The following RC3H1 variants were observed in gnomAD, a reference collection of about 807,000 sequenced individuals.
The protein encoded by RC3H1 is roquin-1.
RC3H1 carries 50 observed loss-of-function variants against 138.2 expected under a neutral mutation model. The observed-to-expected ratio is 0.36, with a 90% CI of 0.29 to 0.46. The LOEUF is 0.46. RC3H1 is among the 20% of genes least tolerant of loss of function. The pLI is 1.00. For synonymous variants in RC3H1, 462 were observed against 489.1 expected (o/e 0.94, Z 0.73); for missense variants, 1,031 against 1,388.1 (o/e 0.74, Z 4.09).
intron 13 of RC3H1, among the ~76,000 whole-genome samples, chr1:173,958,027 T>C (rs1571188577): frequency 6.6e-6 from 1 of 152,208 alleles, no homozygotes; most frequent in Admixed American, 6.5e-5. Flanking sequence ...AAGATACTAT[T>C]TACTATGTGT....
chr1:173,949,933 G>A (rs1220960047), intron 14 of RC3H1, among the ~76,000 whole-genome samples: 2 of 152,120 alleles, frequency 1.3e-5, no homozygotes, highest in Non-Finnish European at 2.9e-5. Flanking sequence ...TTGGGAGGCC[G>A]AGGAGGGCAG....
At chr1:173,993,183 T>C (rs1661369187) in intron 1 of RC3H1, 48 bp from the exon 2 acceptor site, 1 of 562,944 alleles carries the variant, frequency 1.8e-6, no homozygotes, top group South Asian at 2.2e-5. Context: ...TCTTTTCAAT[T>C]AAACTGTTGA....
chr1:173,946,633 T>C (rs1659149856), intron 16 of RC3H1, 25 bp from the exon 17 acceptor site: 1 of 1,611,464 alleles, frequency 6.2e-7, no homozygotes, highest in Non-Finnish European at 8.5e-7. Flanking sequence ...AAAGTGTGAA[T>C]CAAATTTTAA....
intron 14 of RC3H1, among the ~76,000 whole-genome samples, chr1:173,951,603 C>T (rs1571178129): frequency 6.6e-6 from 1 of 151,906 alleles, no homozygotes; most frequent in Admixed American, 6.6e-5. Flanking sequence ...TGCAGTGGCA[C>T]GATCTTGGCT....
In RC3H1 at chr1:173,951,981, CA is replaced by C; in HGVS notation, c.2523+4del. 1 of 1,601,730 alleles carries C rather than the reference CA, an allele frequency of 6.2e-7. No individual in the cohort carries two copies. Among genetic ancestry groups the C allele is most frequent in the Non-Finnish European group, 8.5e-7 (1 of 1,175,512 alleles). Reference sequence around the variant, plus strand: ...TATTAATTATTGCTTAGCTATTACACATACCATCATTTCCACACTCCCTGCT... The same window carrying C: ...TATTAATTATTGCTTAGCTATTACACTACCATCATTTCCACACTCCCTGCT... On this transcript the variant is annotated splice_donor_region_variant and intron_variant, in intron 14 of 19. Coordinates refer to ENST00000367696, the MANE Select transcript of RC3H1 (RefSeq NM_172071.4).
At chr1:173,997,758 A>C (rs1342107744) in intron 1 of RC3H1, among the ~76,000 whole-genome samples, 1 of 152,184 alleles carries the variant, frequency 6.6e-6, no homozygotes, top group Admixed American at 6.5e-5. Flanking sequence ...TTAAACCTTG[A>C]CTTTTTCTGG....
At chr1:173,964,745 T>G (rs1660029886) in intron 10 of RC3H1, 94 bp downstream of exon 10, 4 of 441,268 alleles carry the variant, frequency 9.1e-6, no homozygotes, top group Admixed American at 4.9e-5. Flanking sequence ...ATAATCAGGG[T>G]TTTTTTTTTT....
intron 6 of RC3H1, among the ~76,000 whole-genome samples, chr1:173,979,842 T>G (rs2103000678): frequency 6.6e-6 from 1 of 152,222 alleles, no homozygotes; most frequent in East Asian, 1.9e-4. Context: ...CAGGGAAGAC[T>G]TATAGAGCAG....
At chr1:173,946,650 A>AT in intron 16 of RC3H1, 42 bp from the exon 17 acceptor site, 1 of 1,608,628 alleles carries the variant, frequency 6.2e-7, no homozygotes, top group Non-Finnish European at 8.5e-7. Flanking sequence ...TTAACATTTC[A>AT]TTTTGTTAAC....
chr1:173,968,915 A>AC (rs1660233089), intron 9 of RC3H1, among the ~76,000 whole-genome samples: 1 of 134,988 alleles, frequency 7.4e-6, no homozygotes, highest in Non-Finnish European at 1.5e-5. Flanking sequence ...CTGGAGTGCT[A>AC]CGGTGCAATC....
At chr1:173,975,956 A>G (rs1660563283) in intron 7 of RC3H1, among the ~76,000 whole-genome samples, 1 of 150,808 alleles carries the variant, frequency 6.6e-6, no homozygotes, top group Non-Finnish European at 1.5e-5. Context: ...TGTGAGTTAC[A>G]TAAATTATAT....
At chr1:173,941,653 C>T (rs925069477) in intron 18 of RC3H1, among the ~76,000 whole-genome samples, 2 of 152,204 alleles carry the variant, frequency 1.3e-5, no homozygotes, top group Non-Finnish European at 2.9e-5. Flanking sequence ...CCTAGAAAGG[C>T]GGCCAGGCAT....
At chr1:174,000,289 A>G (rs1385792840) in intron 1 of RC3H1, among the ~76,000 whole-genome samples, 1 of 152,244 alleles carries the variant, frequency 6.6e-6, no homozygotes, top group African/African-American at 2.4e-5. Context: ...ATTGCTGTGA[A>G]GATTTCATTT....
chr1:173,965,049 A>G lies in RC3H1; in HGVS notation c.1406T>C (p.Val469Ala). 1 of 1,614,192 alleles carries G rather than the reference A, an allele frequency of 6.2e-7. No individual in the cohort carries two copies. The highest frequency in any genetic ancestry group is 8.5e-7 in the Non-Finnish European group (1 of 1,180,028). The change falls in exon 10 of 20, where the codon GTG becomes GCG. Residue 469 changes from valine to alanine, a missense_variant. Physicochemically the swap from Val to Ala is moderately conservative, Grantham distance 64 (BLOSUM62 0). Transcript: ENST00000367696. ...LSASLGQLNE[V>A]GLPSAAILPD... is the part of the protein sequence containing the mutation. ...AAGGATAGCTGCTGAAGGCAGGCCC[A>G]CCTCATTAAGTTGACCCAAAGAGGC...
At chr1:173,949,310 G>A (rs1002576805) in intron 14 of RC3H1, among the ~76,000 whole-genome samples, 1 of 151,550 alleles carries the variant, frequency 6.6e-6, no homozygotes, top group Admixed American at 6.6e-5. Flanking sequence ...CTCTGTTAGA[G>A]TTAATAAGGA....
chr1:173,960,207 T>C (rs1467349113), intron 13 of RC3H1, among the ~76,000 whole-genome samples: 1 of 151,422 alleles, frequency 6.6e-6, no homozygotes, highest in East Asian at 1.9e-4. Flanking sequence ...TGAGAATTGC[T>C]TGAACCTGGG....
rs142767305 is a variant in RC3H1, at chr1:173,988,926, T to C, written c.231+3829A>G. On this transcript the variant is annotated intron_variant, in intron 2 of 19. Coordinates refer to ENST00000367696, the MANE Select transcript of RC3H1 (RefSeq NM_172071.4). ...ATCACTGAGTTGTAAGAGTTCCTTA[T>C]ATATTCTACATATAAGTCTTTATCA... 2.9e-3 allele frequency among the ~76,000 whole-genome samples: 440 copies of C among 152,388 alleles called. 3 individuals are homozygous for C. Among genetic ancestry groups the C allele is most frequent in the African/African-American group, 0.01 (423 of 41,596 alleles).
At chr1:173,988,559 T>C (rs1169038794) in intron 2 of RC3H1, among the ~76,000 whole-genome samples, 1 of 152,266 alleles carries the variant, frequency 6.6e-6, no homozygotes, top group Non-Finnish European at 1.5e-5. Flanking sequence ...TGAGGGTTTC[T>C]GTGTAGACAT....
At chr1:173,997,999 G>A (rs1661496749) in intron 1 of RC3H1, among the ~76,000 whole-genome samples, 1 of 152,018 alleles carries the variant, frequency 6.6e-6, no homozygotes, top group Non-Finnish European at 1.5e-5. Context: ...ACCACAACAT[G>A]TATCTAAACC....
Sources: gnomAD v4.1 joint callset for allele counts (sites outside exome capture counted in the v4.1 genomes callset) on GRCh38, gnomAD v4.1.1 for gene constraint, MANE v1.5 for transcripts, NCBI Gene and HGNC (gene_info 2026-07-23, HGNC 2026-07-21) for gene names.